Variants in MAPKAPK2 observed in about 807,000 individuals in gnomAD.
MAPKAPK2 encodes the protein MAP kinase-activated protein kinase 2.
In MAPKAPK2, 9 loss-of-function variants were observed where a neutral mutation model predicts 48.8. That is an observed-to-expected ratio of 0.18 (90% CI 0.11 to 0.32). The LOEUF (loss-of-function observed/expected upper bound fraction) is 0.32. MAPKAPK2 is among the 10% of genes least tolerant of loss of function. The probability of loss-of-function intolerance (pLI) is 1.00; values close to 1 mark genes in which losing one functional copy is unlikely to be tolerated. For synonymous variants in MAPKAPK2, 202 were observed against 190.6 expected, an observed-to-expected ratio of 1.06 and a Z score of -0.49; for missense variants, 331 against 498.3, an observed-to-expected ratio of 0.66 and a Z score of 3.20.
chr1:206,707,397 C>T (rs1672998031), intron 1 of MAPKAPK2, among the ~76,000 whole-genome samples: 1 of 146,682 alleles, frequency 6.8e-6, no homozygotes, highest in Admixed American at 6.7e-5. Flanking sequence ...ATCTCTCCCT[C>T]TTCTTTAAGA....
At chr1:206,720,075 A>G (rs1673466783) in intron 1 of MAPKAPK2, among the ~76,000 whole-genome samples, 1 of 152,166 alleles carries the variant, frequency 6.6e-6, no homozygotes, top group Non-Finnish European at 1.5e-5. Context: ...TCAAGTGCTC[A>G]TGTGTCTCCT....
chr1:206,728,194 G>A (rs1673769732), intron 1 of MAPKAPK2, among the ~76,000 whole-genome samples: 1 of 152,158 alleles, frequency 6.6e-6, no homozygotes. Context: ...GACTTCCAAG[G>A]CCATCTGTTG....
intron 1 of MAPKAPK2, among the ~76,000 whole-genome samples, chr1:206,723,323 A>G (rs967607051): frequency 6.6e-6 from 1 of 152,188 alleles, no homozygotes; most frequent in Admixed American, 6.5e-5. Context: ...CAGAATAATA[A>G]TAGCAAACAC....
In MAPKAPK2 at chr1:206,685,391, C is replaced by G. The variant is rs1672253950; in HGVS notation, c.162C>G (p.Ile54Met). Residue 54 changes from isoleucine (I) to methionine (M), a missense_variant, in exon 1 of 10, where the codon ATC becomes ATG. Physicochemically the swap from Ile to Met is conservative, Grantham distance 10. Around this residue, in one of 4 missense-constraint regions of MAPKAPK2, gnomAD observed 93 missense variants for 81.0 expected, o/e 1.15. Transcript: ENST00000367103. The stretch of plus-strand genomic sequence containing the variant: ...TCCACGTCAAGTCCGGCCTGCAGAT[C>G]AAGAAGAACGCCATCATCGATGACT... ...PQFHVKSGLQ[I>M]KKNAIIDDYK... The G allele has an allele frequency of 2.6e-6, 4 of 1,515,560 alleles. No individual in the cohort carries two copies. The highest frequency in any genetic ancestry group is 1.9e-5 in the Admixed American group (1 of 53,574). 93.9% of individuals were successfully genotyped at this position (1,515,560 alleles called of 1,614,324 possible). A position where few individuals can be genotyped will look rare whatever the true frequency, so the allele number is the denominator to read the frequency against.
chr1:206,729,109 G>A lies in MAPKAPK2; in HGVS notation c.484+10G>A. ...GCATTCACAGAAAGAGGTAGAAAGG[G>A]TCTGTTGTGGGAGCACGTGCAGGCA... On this transcript the variant is annotated intron_variant, in intron 3 of 9. Coordinates refer to ENST00000367103, the MANE Select transcript of MAPKAPK2 (RefSeq NM_032960.4). 6.2e-7 allele frequency: 1 copy of A among 1,614,058 alleles called. No individual in the cohort carries two copies. Among genetic ancestry groups the A allele is most frequent in the Non-Finnish European group, 8.5e-7 (1 of 1,179,946 alleles).
At chr1:206,687,790 C>T (rs1672330880) in intron 1 of MAPKAPK2, among the ~76,000 whole-genome samples, 1 of 152,144 alleles carries the variant, frequency 6.6e-6, no homozygotes, top group Non-Finnish European at 1.5e-5. Context: ...TGGAGTGGGG[C>T]AAGAGGGATT....
At position 206,731,822 on chromosome 1, in the gene MAPKAPK2, C is replaced by G; in HGVS notation, c.979-17C>G. On this transcript the variant is annotated splice_polypyrimidine_tract_variant and intron_variant, in intron 8 of 9. Transcript: ENST00000367103. This position sits in a 1 kb window ranked among gnomAD's most constrained non-coding sequence, Gnocchi z 5.9. ...CTACCCCAGGCTTTCACTCGGACCC[C>G]TTTTCTCTCTTCTCAGCAATCAACA... is the stretch of plus-strand genomic sequence containing the variant. 4 of 1,614,032 alleles carry G rather than the reference C, an allele frequency of 2.5e-6. No individual in the cohort carries two copies. Among genetic ancestry groups the G allele is most frequent in the Non-Finnish European group, 3.4e-6 (4 of 1,179,906 alleles).
chr1:206,723,849 G>A (rs1673621230), intron 1 of MAPKAPK2, among the ~76,000 whole-genome samples: 1 of 152,246 alleles, frequency 6.6e-6, no homozygotes, highest in South Asian at 2.1e-4. Flanking sequence ...CTGTCCTAGA[G>A]CTTCCTTCCC....
intron 1 of MAPKAPK2, among the ~76,000 whole-genome samples, chr1:206,714,432 G>A (rs1333249062): frequency 1.3e-5 from 2 of 151,478 alleles, no homozygotes; most frequent in Admixed American, 6.6e-5. Flanking sequence ...GGCAGATGTT[G>A]AGGAGTTTAT....
intron 2 of MAPKAPK2, 25 bp downstream of exon 2, chr1:206,728,874 G>T (rs141820297): frequency 6.2e-7 from 1 of 1,612,938 alleles, no homozygotes. Flanking sequence ...TTCTAGTCCC[G>T]GCCCAGCCTG....
intron 1 of MAPKAPK2, among the ~76,000 whole-genome samples, chr1:206,727,813 C>T (rs1333116849): frequency 3.9e-5 from 6 of 152,066 alleles, no homozygotes; most frequent in East Asian, 1.9e-4. Context: ...TTAGTAGGGA[C>T]GGGGTTTCAC....
At chr1:206,714,850 AT>A (rs1302892743) in intron 1 of MAPKAPK2, among the ~76,000 whole-genome samples, 2 of 151,452 alleles carry the variant, frequency 1.3e-5, no homozygotes, top group East Asian at 3.9e-4. Flanking sequence ...TTGTTTACAT[AT>A]TGCTTCTTTT....
At chr1:206,706,160 G>A in intron 1 of MAPKAPK2, among the ~76,000 whole-genome samples, 1 of 130,668 alleles carries the variant, frequency 7.7e-6, no homozygotes, top group African/African-American at 2.9e-5. Flanking sequence ...TTATTTATTT[G>A]CTTAATCTTA....
chr1:206,695,487 T>C (rs1402155297), intron 1 of MAPKAPK2, among the ~76,000 whole-genome samples: 2 of 151,714 alleles, frequency 1.3e-5, no homozygotes, highest in Non-Finnish European at 2.9e-5. Flanking sequence ...GCTTTTTTTT[T>C]CTCCCCAGCT....
chr1:206,722,666 C>T (rs1002724043), intron 1 of MAPKAPK2, among the ~76,000 whole-genome samples: 2 of 152,188 alleles, frequency 1.3e-5, no homozygotes, highest in Non-Finnish European at 2.9e-5. Flanking sequence ...AATGGATCCA[C>T]GCAGTTCAAA....
intron 1 of MAPKAPK2, among the ~76,000 whole-genome samples, chr1:206,720,577 A>G (rs192270386): frequency 3.0e-4 from 45 of 152,258 alleles, no homozygotes; most frequent in Non-Finnish European, 4.6e-4. Context: ...CAGGCTGGTC[A>G]TGAACTTCTG....
At chr1:206,730,221 T>C in intron 5 of MAPKAPK2, 123 bp downstream of exon 5, 3 of 1,187,334 alleles carry the variant, frequency 2.5e-6, no homozygotes, top group Non-Finnish European at 3.6e-6. Context: ...CTTCTGGTGC[T>C]GGTTCTGCTG....
chr1:206,685,609 A>AG, intron 1 of MAPKAPK2, 101 bp downstream of exon 1: 4 of 949,258 alleles, frequency 4.2e-6, no homozygotes, highest in Non-Finnish European at 5.1e-6. Context: ...CGCGGGGCGG[A>AG]GGGGTGGCCG....
At position 206,729,990 on chromosome 1, in the gene MAPKAPK2, A is replaced by G. The variant is rs531894220; in HGVS notation, c.583A>G (p.Thr195Ala). Residue 195 changes from threonine to alanine, a missense_variant, in exon 5 of 10, where the codon ACC (threonine) becomes GCC (alanine). Transcript: ENST00000367103. Reference protein sequence around the residue: ...RDVKPENLLYTSKRPNAILKL... With the variant: ...RDVKPENLLYASKRPNAILKL... Reference sequence around the variant, plus strand: ...TCTGTAGCCTGAGAATCTCTTATACACCTCCAAAAGGCCCAACGCCATCCT... The same window carrying G: ...TCTGTAGCCTGAGAATCTCTTATACGCCTCCAAAAGGCCCAACGCCATCCT... The G allele has an allele frequency of 6.2e-7, 1 of 1,614,058 alleles. No homozygotes were observed. Among genetic ancestry groups the G allele is most frequent in the Admixed American group, 1.7e-5 (1 of 60,012 alleles).
Sources: allele counts gnomAD v4.1 joint callset (sites outside exome capture counted in the v4.1 genomes callset), GRCh38; gene constraint gnomAD v4.1.1; regional missense constraint gnomAD v4.1.1; non-coding constraint Gnocchi (gnomAD v3.1); transcripts MANE v1.5; gene names NCBI Gene and HGNC (gene_info 2026-07-23, HGNC 2026-07-21).